Variants in ZNF839 observed in about 807,000 individuals in gnomAD.
ZNF839 encodes renal carcinoma antigen NY-REN-50.
A neutral mutation model predicts 56.4 loss-of-function variants in ZNF839; 38 were observed. That is an observed-to-expected ratio of 0.67 (90% confidence interval 0.52 to 0.88). The LOEUF (loss-of-function observed/expected upper bound fraction) is 0.88. Ranked by LOEUF, ZNF839 falls within the 40% of genes least tolerant of loss-of-function variation. ZNF839 has a pLI of 0.00. For synonymous variants in ZNF839, 486 were observed against 493.5 expected (o/e 0.98, Z 0.20); for missense variants, 1,091 against 1,177.6 (o/e 0.93, Z 1.08).
At chr14:102,327,516 C>CCCCATGAT (rs1244634842) in intron 2 of ZNF839, among the ~76,000 whole-genome samples, 1 of 152,136 alleles carries the variant, frequency 6.6e-6, no homozygotes, top group East Asian at 1.9e-4. Context: ...AGGGTTCTGC[C>CCCCATGAT]CCCATGATCC....
chr14:102,320,310 C>T (rs988046854), intron 1 of ZNF839, among the ~76,000 whole-genome samples: 1 of 152,218 alleles, frequency 6.6e-6, no homozygotes, highest in Non-Finnish European at 1.5e-5. Context: ...TCTCTGCCTT[C>T]ACAGCCCTGC....
intron 2 of ZNF839, among the ~76,000 whole-genome samples, chr14:102,327,704 C>T (rs1305710146): frequency 2.6e-5 from 4 of 152,300 alleles, no homozygotes; most frequent in Non-Finnish European, 4.4e-5. Flanking sequence ...AAGGCTGTAG[C>T]GGGACCAGAA....
chr14:102,328,376 ATATATATATATATATATATATAT>A (rs2073565717), intron 2 of ZNF839, among the ~76,000 whole-genome samples: 1 of 16,942 alleles, frequency 5.9e-5, no homozygotes, highest in Non-Finnish European at 1.1e-4. Context: ...AAAAAAAAAA[ATATATATATATATATATATATAT>A]ATATATATAT....
intron 2 of ZNF839, among the ~76,000 whole-genome samples, chr14:102,329,584 C>T (rs2073664388): frequency 6.6e-6 from 1 of 151,810 alleles, no homozygotes; most frequent in Non-Finnish European, 1.5e-5. Flanking sequence ...GGGGTTTCGC[C>T]ATATTCGCCA....
intron 1 of ZNF839, among the ~76,000 whole-genome samples, chr14:102,321,980 T>A (rs2073153615): frequency 6.6e-6 from 1 of 151,924 alleles, no homozygotes; most frequent in African/African-American, 2.4e-5. Context: ...TCTCTCCCCA[T>A]CCTCCCTCTT....
chr14:102,325,285 A>G (rs150440133), intron 1 of ZNF839, among the ~76,000 whole-genome samples: 2 of 150,992 alleles, frequency 1.3e-5, no homozygotes, highest in African/African-American at 2.4e-5. Context: ...GTTACAGTGA[A>G]CTGAGATCGC....
chr14:102,340,166 G>A (rs1232221182), intron 7 of ZNF839, among the ~76,000 whole-genome samples: 3 of 151,662 alleles, frequency 2.0e-5, no homozygotes, highest in Admixed American at 6.6e-5. Context: ...TGTAGAGATG[G>A]GGTTTTACCA....
At chr14:102,331,467 C>T in intron 2 of ZNF839, 155 bp from the exon 3 acceptor site, 2 of 638,884 alleles carry the variant, frequency 3.1e-6, no homozygotes, top group South Asian at 3.9e-5. Context: ...CCAGGTCGGT[C>T]TCAAACTCCT....
At chr14:102,340,773 T>A (rs1337487524) in intron 7 of ZNF839, among the ~76,000 whole-genome samples, 1 of 152,122 alleles carries the variant, frequency 6.6e-6, no homozygotes, top group Non-Finnish European at 1.5e-5. Context: ...CATTCAGTAT[T>A]GGCATAAAAT....
intron 2 of ZNF839, among the ~76,000 whole-genome samples, chr14:102,330,234 T>A (rs531042350): frequency 2.0e-4 from 30 of 151,948 alleles, no homozygotes; most frequent in African/African-American, 6.3e-4. Flanking sequence ...TTTTTTAATT[T>A]TTATTATTAT....
At chr14:102,327,070 G>A (rs1425370507) in intron 2 of ZNF839, among the ~76,000 whole-genome samples, 183 bp downstream of exon 2, 5 of 152,162 alleles carry the variant, frequency 3.3e-5, no homozygotes, top group Admixed American at 1.3e-4. Context: ...ACAGAGTCAC[G>A]GTGAAGGCAG....
rs752803564 is a variant in ZNF839 at position 102,342,177 on chromosome 14, TAGA to T, written c.*1_*3del. 8 of 1,602,264 alleles carry T rather than the reference TAGA, an allele frequency of 5.0e-6. No individual in the cohort carries two copies. The highest frequency in any genetic ancestry group is 2.7e-5 in the African/African-American group (2 of 74,724). ...GGGGCGTGCCTGCGGATGGGCCCGC[TAGA>T]AGGAGTTCCTCTAGAAGCTGTGGAG... On this transcript the variant is annotated stop_retained_variant and 3_prime_UTR_variant, in exon 8 of 8. Coordinates refer to ENST00000442396, the MANE Select transcript of ZNF839 (RefSeq NM_018335.6).
In ZNF839 at chr14:102,342,217, C is replaced by T. The variant is rs560129245; in HGVS notation, c.*38C>T. On this transcript the variant is annotated 3_prime_UTR_variant, in exon 8 of 8. Transcript: ENST00000442396. ...TAGAAGCTGTGGAGTCGGTCGTCAC[C>T]GTGGAGCCAGAGCCCTCACAGTGAA... is the stretch of plus-strand genomic sequence containing the variant. The T allele has an allele frequency of 2.1e-5, 33 of 1,563,424 alleles. No homozygotes were observed. Among genetic ancestry groups the T allele is most frequent in the Non-Finnish European group, 2.6e-5 (30 of 1,152,848 alleles).
At chr14:102,334,729 T>G (rs2139558427) in intron 4 of ZNF839, 83 bp downstream of exon 4, 1 of 733,100 alleles carries the variant, frequency 1.4e-6, no homozygotes, top group African/African-American at 1.9e-5. Flanking sequence ...TAATTATTTT[T>G]CAATAGCCTG....
At chr14:102,324,372 G>A (rs537672691) in intron 1 of ZNF839, among the ~76,000 whole-genome samples, 8 of 152,162 alleles carry the variant, frequency 5.3e-5, no homozygotes, top group African/African-American at 1.7e-4. Flanking sequence ...GTGAAACCCC[G>A]TCTCTACTAA....
At position 102,319,852 on chromosome 14, in the gene ZNF839, C is replaced by T; in HGVS notation, c.87C>T (p.Ser29=). 3 of 1,251,144 alleles carry T rather than the reference C, an allele frequency of 2.4e-6. No homozygotes were observed. Among genetic ancestry groups the T allele is most frequent in the Non-Finnish European group, 3.0e-6 (3 of 998,144 alleles). The allele number at this position is 1,251,144 out of a possible 1,614,324, so 77.5% of individuals were successfully genotyped here. ...CGGCTCCTCCGGGCCAGAGCGGCAGCGTCGCACGTGTGGCCCCGCTGGGCC... is the reference window on the plus strand; with the variant it reads ...CGGCTCCTCCGGGCCAGAGCGGCAGTGTCGCACGTGTGGCCCCGCTGGGCC... ...GGPAPPGQSG[S]VARVAPLGPE... The change falls in exon 1 of 8, where the codon AGC becomes AGT. Residue 29 remains serine (S), a synonymous_variant. Transcript: ENST00000442396. This position sits in a 1 kb window ranked among gnomAD's most constrained non-coding sequence, Gnocchi z 4.5.
intron 1 of ZNF839, among the ~76,000 whole-genome samples, chr14:102,324,277 G>A (rs2073288574): frequency 6.6e-6 from 1 of 152,166 alleles, no homozygotes; most frequent in South Asian, 2.1e-4. Flanking sequence ...GGGCACGGTG[G>A]TTCATGCCTG....
intron 6 of ZNF839, 34 bp downstream of exon 6, chr14:102,338,987 TGCACGGTGAATTA>T: frequency 6.2e-7 from 1 of 1,613,922 alleles, no homozygotes; most frequent in Non-Finnish European, 8.5e-7. Context: ...CAGGTGACTG[TGCACGGTGAATTA>T]GCGTGGTTTG....
In ZNF839 at chr14:102,339,003, G is replaced by A. The variant is rs747781515; in HGVS notation, c.1797+50G>A. The A allele has an allele frequency of 2.9e-5, 46 of 1,613,668 alleles. No individual in the cohort carries two copies. The Middle Eastern group carries it at 4.9e-4, about 17-fold the overall frequency. On this transcript the variant is annotated intron_variant, in intron 6 of 7. Transcript: ENST00000442396. ...AGGTGACTGTGCACGGTGAATTAGC[G>A]TGGTTTGGCTTCTTCTGTTCACACC... is the stretch of plus-strand genomic sequence containing the variant.
Sources: gnomAD v4.1 joint callset for allele counts (sites outside exome capture counted in the v4.1 genomes callset) on GRCh38, gnomAD v4.1.1 for gene constraint, Gnocchi (gnomAD v3.1) non-coding constraint, MANE v1.5 for transcripts, NCBI Gene and HGNC (gene_info 2026-07-23, HGNC 2026-07-21) for gene names.